LPP: variants seen among roughly 807,000 people sequenced by gnomAD.
LPP encodes LIM domain containing preferred translocation partner in lipoma, also known as lipoma-preferred partner.
A neutral mutation model predicts 60.4 loss-of-function variants in LPP; 38 were observed. The observed-to-expected ratio is 0.63, with a 90% CI of 0.49 to 0.83. LPP has a LOEUF of 0.83. Ranked by LOEUF, LPP falls within the 40% of genes least tolerant of loss-of-function variation. The pLI is 0.00. For missense variants in LPP, 902 were observed against 783.6 expected (o/e 1.15, Z -1.80); for synonymous variants, 328 against 290.8 (o/e 1.13, Z -1.30).
At chr3:188,712,996 C>T (rs145893130) in intron 8 of LPP, among the ~76,000 whole-genome samples, 4 of 152,012 alleles carry the variant, frequency 2.6e-5, no homozygotes, top group Non-Finnish European at 2.9e-5. Context: ...TTATAATTAT[C>T]GTATGCTTAA....
At chr3:188,534,364 G>A (rs1823005325) in intron 6 of LPP, among the ~76,000 whole-genome samples, 1 of 152,214 alleles carries the variant, frequency 6.6e-6, no homozygotes, top group African/African-American at 2.4e-5. Context: ...AAAGCTGCCT[G>A]TTGAGTTTCT....
chr3:188,590,972 G>A (rs1310530814), intron 6 of LPP, among the ~76,000 whole-genome samples: 1 of 152,196 alleles, frequency 6.6e-6, no homozygotes, highest in Non-Finnish European at 1.5e-5. Flanking sequence ...TAAGAAGTGT[G>A]TGAAATAAAT....
chr3:188,849,156 T>A (rs1269461587), intron 9 of LPP, among the ~76,000 whole-genome samples: 2 of 152,048 alleles, frequency 1.3e-5, no homozygotes, highest in African/African-American at 4.8e-5. Context: ...CACTGTGGAG[T>A]GATGCCAGAC....
At chr3:188,520,350 C>T (rs1818534007) in intron 5 of LPP, among the ~76,000 whole-genome samples, 1 of 152,178 alleles carries the variant, frequency 6.6e-6, no homozygotes, top group African/African-American at 2.4e-5. Context: ...CAGGTGTGAC[C>T]TGGTAGCACT....
intron 5 of LPP, among the ~76,000 whole-genome samples, chr3:188,523,153 C>T (rs910138748): frequency 2.0e-5 from 3 of 152,010 alleles, no homozygotes; most frequent in Admixed American, 2.0e-4. Context: ...ATAATCCACC[C>T]GCCTTGGCCT....
chr3:188,654,912 A>G (rs1852838423), intron 7 of LPP, among the ~76,000 whole-genome samples: 1 of 152,206 alleles, frequency 6.6e-6, no homozygotes, highest in Non-Finnish European at 1.5e-5. Context: ...ACTAATACCA[A>G]TGGAATATTG....
intron 2 of LPP, among the ~76,000 whole-genome samples, chr3:188,229,311 G>T (rs1718980708): frequency 1.3e-5 from 2 of 152,086 alleles, no homozygotes; most frequent in Non-Finnish European, 2.9e-5. Context: ...GGCGTGACTA[G>T]CCCAGTGGGA....
Position 188,609,581 on chromosome 3 carries a change from G to C in LPP, c.850G>C (p.Glu284Gln). The stretch of plus-strand genomic sequence containing the variant: ...CATTCCACCACCAGGACTTCAGCCG[G>C]AGCCTGGGTATGGGTATGCCCCCAA... ...AYIPPPGLQP[E>Q]PGYGYAPNQG... Residue 284 changes from glutamate to glutamine, a missense_variant, in exon 7 of 12, where the codon GAG becomes CAG. Transcript: ENST00000617246. This position sits in a 1 kb window ranked among gnomAD's most constrained non-coding sequence, Gnocchi z 6.9. The C allele has an allele frequency of 3.7e-6, 6 of 1,614,168 alleles. No individual in the cohort carries two copies. Among genetic ancestry groups the C allele is most frequent in the Non-Finnish European group, 5.1e-6 (6 of 1,180,034 alleles).
At chr3:188,162,002 T>C in intron 1 of LPP, among the ~76,000 whole-genome samples, 1 of 152,140 alleles carries the variant, frequency 6.6e-6, no homozygotes, top group Admixed American at 6.5e-5. Flanking sequence ...TCTCTACCAT[T>C]CTCCATTAAT....
At chr3:188,758,457 A>G (rs1353501477) in intron 8 of LPP, among the ~76,000 whole-genome samples, 1 of 152,172 alleles carries the variant, frequency 6.6e-6, no homozygotes, top group African/African-American at 2.4e-5. Context: ...CACTGCACCC[A>G]GCCTTCATAT....
At chr3:188,272,795 A>G (rs1738256988) in intron 2 of LPP, among the ~76,000 whole-genome samples, 1 of 152,234 alleles carries the variant, frequency 6.6e-6, no homozygotes, top group Non-Finnish European at 1.5e-5. Context: ...ACCACAGGAA[A>G]GACCATTATA....
chr3:188,680,152 C>T (rs1428583442), intron 7 of LPP, among the ~76,000 whole-genome samples: 2 of 152,090 alleles, frequency 1.3e-5, no homozygotes, highest in Admixed American at 6.5e-5. Context: ...TTTTCTTCTC[C>T]GTTCTCTTTC....
rs1181076808 is a variant in LPP at position 188,875,058 on chromosome 3, G to A, written c.*579G>A. The stretch of plus-strand genomic sequence containing the variant: ...TTTAAGCTGTAAATTACATAAGTTA[G>A]AACAAGCCCAAATTTAATTTGCAAC... On this transcript the variant is annotated 3_prime_UTR_variant, in exon 12 of 12. Coordinates refer to ENST00000617246, the MANE Select transcript of LPP (RefSeq NM_001375462.1). 9.1e-6 allele frequency: 2 copies of A among 220,816 alleles called. No homozygotes were observed. Among genetic ancestry groups the A allele is most frequent in the Non-Finnish European group, 1.8e-5 (2 of 110,486 alleles). The allele number at this position is 220,816 out of a possible 1,614,324, so 13.7% of individuals were successfully genotyped here. A position where few individuals can be genotyped will look rare whatever the true frequency, so the allele number is the denominator to read the frequency against.
chr3:188,853,820 G>A (rs1763213323), intron 9 of LPP, among the ~76,000 whole-genome samples: 1 of 128,816 alleles, frequency 7.8e-6, no homozygotes, highest in Non-Finnish European at 1.6e-5. Context: ...AAGCACTTTA[G>A]ATTTTTTTCT....
intron 4 of LPP, 39 bp downstream of exon 4, chr3:188,406,352 G>A: frequency 6.4e-7 from 1 of 1,567,196 alleles, no homozygotes; most frequent in Non-Finnish European, 8.8e-7. Context: ...CTTGGAGTAG[G>A]AAAATTCAGT....
At chr3:188,666,717 C>T (rs1855877482) in intron 7 of LPP, among the ~76,000 whole-genome samples, 1 of 152,176 alleles carries the variant, frequency 6.6e-6, no homozygotes, top group Non-Finnish European at 1.5e-5. Context: ...ATCACTTGTC[C>T]ACACACTGGA....
At position 188,876,031 on chromosome 3, in the gene LPP, A is replaced by C. The variant is rs1190604192; in HGVS notation, c.*1552A>C. 5.4e-6 allele frequency: 1 copy of C among 186,816 alleles called. No homozygotes were observed. Among genetic ancestry groups the C allele is most frequent in the Non-Finnish European group, 1.1e-5 (1 of 88,262 alleles). 11.6% of individuals were successfully genotyped at this position (186,816 alleles called of 1,614,324 possible). A position where few individuals can be genotyped will look rare whatever the true frequency, so the allele number is the denominator to read the frequency against. On this transcript the variant is annotated 3_prime_UTR_variant, in exon 12 of 12. Transcript: ENST00000617246. The stretch of plus-strand genomic sequence containing the variant: ...TTCCTATATACCTAATACCCAGTTT[A>C]AGACACCAAATATAACAAGTATAAT...
At chr3:188,437,069 G>C (rs1052818725) in intron 4 of LPP, among the ~76,000 whole-genome samples, 1 of 152,122 alleles carries the variant, frequency 6.6e-6, no homozygotes, top group Non-Finnish European at 1.5e-5. Context: ...AAATTCCTTG[G>C]AATTAAGAAC....
intron 1 of LPP, among the ~76,000 whole-genome samples, chr3:188,223,879 T>C (rs1440104894): frequency 6.6e-6 from 1 of 152,196 alleles, no homozygotes; most frequent in East Asian, 1.9e-4. Context: ...AAATTATGCC[T>C]CTCTCTCCTT....
Sources: allele counts gnomAD v4.1 joint callset (sites outside exome capture counted in the v4.1 genomes callset), GRCh38; gene constraint gnomAD v4.1.1; non-coding constraint Gnocchi (gnomAD v3.1); transcripts MANE v1.5; gene names NCBI Gene and HGNC (gene_info 2026-07-23, HGNC 2026-07-21).